SCLT1: variants seen among roughly 807,000 people sequenced by gnomAD.
SCLT1 encodes the protein sodium channel-associated protein 1.
Under a neutral mutation model 112.8 loss-of-function variants are expected in SCLT1, and 78 were observed. That is an observed-to-expected ratio of 0.69 (90% CI 0.58 to 0.83). The LOEUF (loss-of-function observed/expected upper bound fraction) is 0.83, where lower values mean the gene tolerates loss of function less well. Ranked by LOEUF, SCLT1 falls within the 40% of genes least tolerant of loss-of-function variation. The pLI is 0.00. For missense variants in SCLT1, 747 were observed against 770.4 expected, an observed-to-expected ratio of 0.97 and a Z score of 0.36; for synonymous variants, 257 against 254.7, an observed-to-expected ratio of 1.01 and a Z score of -0.09.
rs1001505194 is a variant in SCLT1 at position 128,884,399 on chromosome 4, A to C, written c.*78T>G. The C allele has an allele frequency of 9.6e-6, 8 of 835,950 alleles. No individual in the cohort carries two copies. The African/African-American group carries it at 1.2e-4, about 12-fold the overall frequency. 51.8% of individuals were successfully genotyped at this position (835,950 alleles called of 1,614,324 possible). A position where few individuals can be genotyped will look rare whatever the true frequency, so the allele number is the denominator to read the frequency against. ...ACAAGCCTTAACTATTATACTTTGC[A>C]GGCTTTACCATTTCAATACACTTCT... On this transcript the variant is annotated 3_prime_UTR_variant, in exon 21 of 21. Coordinates refer to ENST00000281142, the MANE Select transcript of SCLT1 (RefSeq NM_144643.4).
intron 2 of SCLT1, among the ~76,000 whole-genome samples, chr4:129,075,910 T>C (rs1451615327): frequency 1.3e-5 from 2 of 152,290 alleles, no homozygotes; most frequent in South Asian, 2.1e-4. Flanking sequence ...TCCTATACAT[T>C]GTACAAGACA....
In SCLT1 at chr4:128,943,515, C is replaced by T. The variant is rs146152101; in HGVS notation, c.1440-327G>A. 1.4e-3 allele frequency among the ~76,000 whole-genome samples: 220 copies of T among 151,770 alleles called. 1 individual carries two copies. The highest frequency in any genetic ancestry group is 5.0e-3 in the African/African-American group (208 of 41,442). ...ACTTCAAGGAAATGAACTGAAGCAACAAAAAAAGGATGAAGCGGATAATAA... is the reference window on the plus strand; with the variant it reads ...ACTTCAAGGAAATGAACTGAAGCAATAAAAAAAGGATGAAGCGGATAATAA... On this transcript the variant is annotated intron_variant, in intron 16 of 20. Transcript: ENST00000281142.
rs143768470 is a variant in SCLT1, at chr4:129,067,555, C to T, written c.102+14751G>A. Among the ~76,000 whole-genome samples the T allele has an allele frequency of 5.1e-3, 770 of 152,126 alleles. 10 individuals carry two copies. Among genetic ancestry groups the T allele is most frequent in the African/African-American group, 0.017 (703 of 41,514 alleles). On this transcript the variant is annotated intron_variant, in intron 2 of 20. Coordinates refer to ENST00000281142, the MANE Select transcript of SCLT1 (RefSeq NM_144643.4). ...AGATAGAGTCTGGCTCTGTCACTCA[C>T]GCTGGAGTGCCATGGAATGATCTCA...
chr4:128,932,720 CT>C (rs1736871809), intron 18 of SCLT1, among the ~76,000 whole-genome samples: 1 of 151,988 alleles, frequency 6.6e-6, no homozygotes, highest in Non-Finnish European at 1.5e-5. Flanking sequence ...CCCTAAAGAC[CT>C]CATCAAAAAA....
chr4:128,972,692 T>A (rs1333397899), intron 9 of SCLT1, among the ~76,000 whole-genome samples: 1 of 152,220 alleles, frequency 6.6e-6, no homozygotes, highest in Non-Finnish European at 1.5e-5. Flanking sequence ...TTCAATTGTG[T>A]ATTCCTTTTT....
chr4:128,966,626 G>A (rs1740217823), intron 10 of SCLT1, among the ~76,000 whole-genome samples: 1 of 152,098 alleles, frequency 6.6e-6, no homozygotes, highest in African/African-American at 2.4e-5. Flanking sequence ...TTGTATCTGA[G>A]TTGTCATTTG....
In SCLT1 at chr4:129,049,260, G is replaced by C. The variant is rs555317673; in HGVS notation, c.103-5209C>G. ...GTCCAACAATGATAGACTGGATTAAGAAAATGTGGCACATATACACCATGG... is the reference window on the plus strand; with the variant it reads ...GTCCAACAATGATAGACTGGATTAACAAAATGTGGCACATATACACCATGG... On this transcript the variant is annotated intron_variant, in intron 2 of 20. Transcript: ENST00000281142. Among the ~76,000 whole-genome samples, 7 of 151,876 alleles carry C rather than the reference G, an allele frequency of 4.6e-5. No homozygotes were observed. The South Asian group carries it at 1.0e-3, about 23-fold the overall frequency.
rs141867992 is a variant in SCLT1, at chr4:129,087,476, A to G, written c.35-5103T>C. Among the ~76,000 whole-genome samples the G allele has an allele frequency of 3.6e-4, 55 of 151,690 alleles. 1 individual carries two copies. The highest frequency in any genetic ancestry group is 1.3e-3 in the African/African-American group (52 of 41,458). On this transcript the variant is annotated intron_variant, in intron 1 of 20. Transcript: ENST00000281142. Reference sequence around the variant, plus strand: ...CCTGATACTAAAACCAGACAAAAATATTGGGAAGGAAAAAAAAAAAGGCAC... The same window carrying G: ...CCTGATACTAAAACCAGACAAAAATGTTGGGAAGGAAAAAAAAAAAGGCAC...
intron 7 of SCLT1, among the ~76,000 whole-genome samples, chr4:128,999,190 C>A (rs1171680022): frequency 6.6e-6 from 1 of 151,914 alleles, no homozygotes; most frequent in African/African-American, 2.4e-5. Flanking sequence ...TTGTAAAATT[C>A]TATTCTGATT....
At chr4:129,086,061 CCT>C (rs564947434) in intron 1 of SCLT1, among the ~76,000 whole-genome samples, 3 of 151,854 alleles carry the variant, frequency 2.0e-5, no homozygotes, top group Non-Finnish European at 2.9e-5. Flanking sequence ...ACAATACAAA[CCT>C]CTTTTTTTTT....
intron 18 of SCLT1, among the ~76,000 whole-genome samples, chr4:128,895,932 G>A (rs1040080274): frequency 1.3e-5 from 2 of 152,152 alleles, no homozygotes; most frequent in East Asian, 1.9e-4. Flanking sequence ...ACGGAGCCTC[G>A]CTCATTGCTA....
At chr4:129,004,377 C>T (rs2126090221) in intron 5 of SCLT1, among the ~76,000 whole-genome samples, 1 of 152,046 alleles carries the variant, frequency 6.6e-6, no homozygotes, top group Admixed American at 6.6e-5. Context: ...GGCTATAAAA[C>T]CAAGACATCA....
In SCLT1 at chr4:128,884,432, C is replaced by A. The variant is rs190325313; in HGVS notation, c.*45G>T. The A allele has an allele frequency of 8.5e-7, 1 of 1,172,102 alleles. No individual in the cohort carries two copies. The highest frequency in any genetic ancestry group is 2.3e-5 in the East Asian group (1 of 42,844). 72.6% of individuals were successfully genotyped at this position (1,172,102 alleles called of 1,614,324 possible). A position where few individuals can be genotyped will look rare whatever the true frequency, so the allele number is the denominator to read the frequency against. ...CCATTTCAATACACTTCTAGTCCAA[C>A]TGCTTTCCCAACTCTAAAGTTCTGT... On this transcript the variant is annotated 3_prime_UTR_variant, in exon 21 of 21. Coordinates refer to ENST00000281142, the MANE Select transcript of SCLT1 (RefSeq NM_144643.4).
At chr4:128,996,662 T>A (rs766189414) in intron 8 of SCLT1, among the ~76,000 whole-genome samples, 44 of 152,134 alleles carry the variant, frequency 2.9e-4, no homozygotes, top group South Asian at 1.2e-3. Flanking sequence ...ACTTTTATCT[T>A]AACCACCTAT....
rs1743469173 is a variant in SCLT1, at chr4:129,001,396, T to C, written c.427-1602A>G. On this transcript the variant is annotated intron_variant, in intron 6 of 20. Transcript: ENST00000281142. The stretch of plus-strand genomic sequence containing the variant: ...TCAAAAAGCCCTCAAGTGATTATGA[T>C]GTACACTATATAATTTTTAAAAATG... Among the ~76,000 whole-genome samples the C allele has an allele frequency of 2.0e-5, 3 of 152,072 alleles. No homozygotes were observed. In the South Asian group the frequency reaches 6.2e-4, roughly 31 times the overall value.
At chr4:128,999,892 G>A in intron 6 of SCLT1, 98 bp from the exon 7 acceptor site, 1 of 702,720 alleles carries the variant, frequency 1.4e-6, no homozygotes, top group Non-Finnish European at 2.2e-6. Flanking sequence ...TTCTTATAAA[G>A]TCATAAAATA....
intron 5 of SCLT1, chr4:128,873,353 A>G (rs183331240): frequency 2.0e-5 from 3 of 152,932 alleles, no homozygotes; most frequent in African/African-American, 4.8e-5. Flanking sequence ...TAGAAAGGCA[A>G]TAAGTTGCGA....
intron 17 of SCLT1, among the ~76,000 whole-genome samples, chr4:128,940,266 G>C (rs907162744): frequency 3.3e-5 from 5 of 151,182 alleles, no homozygotes; most frequent in East Asian, 1.9e-4. Flanking sequence ...TGGAGTACTA[G>C]ATAGGGAAAA....
intron 2 of SCLT1, among the ~76,000 whole-genome samples, chr4:129,070,708 G>A (rs1045274349): frequency 6.6e-6 from 1 of 152,008 alleles, no homozygotes; most frequent in African/African-American, 2.4e-5. Context: ...CAAGGAACCA[G>A]CTTTTTGTTT....
Sources: allele counts gnomAD v4.1 joint callset (sites outside exome capture counted in the v4.1 genomes callset), GRCh38; gene constraint gnomAD v4.1.1; transcripts MANE v1.5; gene names NCBI Gene and HGNC (gene_info 2026-07-23, HGNC 2026-07-21).